UBE3C: variants seen among roughly 807,000 people sequenced by gnomAD.
The protein encoded by UBE3C is ubiquitin protein ligase E3C, also known as ubiquitin-protein ligase E3C.
UBE3C carries 42 observed loss-of-function variants against 129.4 expected under a neutral mutation model. That is an observed-to-expected ratio of 0.32 (90% CI 0.25 to 0.42). The LOEUF is 0.42. UBE3C is among the 10% of genes least tolerant of loss of function. The pLI is 1.00. For synonymous variants in UBE3C, 510 were observed against 492.4 expected, an observed-to-expected ratio of 1.04 and a Z score of -0.47; for missense variants, 1,049 against 1,319.1, an observed-to-expected ratio of 0.80 and a Z score of 3.17.
intron 6 of UBE3C, among the ~76,000 whole-genome samples, chr7:157,180,580 C>CGTT (rs1808641318): frequency 6.6e-6 from 1 of 151,974 alleles, no homozygotes; most frequent in Non-Finnish European, 1.5e-5. Flanking sequence ...AATGTGCTAC[C>CGTT]AAATACGCTT....
intron 17 of UBE3C, among the ~76,000 whole-genome samples, chr7:157,226,490 G>C (rs1182773624): frequency 2.0e-5 from 3 of 152,134 alleles, no homozygotes; most frequent in African/African-American, 7.2e-5. Context: ...GTTTAGGCTG[G>C]ATCTAAAATT....
Position 157,231,103 on chromosome 7 carries a change from C to T in UBE3C, c.2257C>T (p.Arg753Cys), listed in dbSNP as rs202006020. The T allele has an allele frequency of 6.2e-6, 10 of 1,613,986 alleles. No homozygotes were observed. The highest frequency in any genetic ancestry group is 2.2e-5 in the East Asian group (1 of 44,878). ...AGAGCCTGATTTGAAAAAGCGGATC[C>T]GTGTGCACTTGCTCAATGCCCATGG... ...ENEPDLKKRI[R>C]VHLLNAHGLD... The change falls in exon 18 of 23, where the codon CGT (arginine) becomes TGT (cysteine). Residue 753 changes from arginine (R) to cysteine (C), a missense_variant. Around this residue, in one of 4 missense-constraint regions of UBE3C, gnomAD observed 314 missense variants for 416.9 expected, o/e 0.75. Coordinates refer to ENST00000348165, the MANE Select transcript of UBE3C (RefSeq NM_014671.3).
chr7:157,146,970 G>C (rs1386444161), intron 1 of UBE3C, among the ~76,000 whole-genome samples: 1 of 152,168 alleles, frequency 6.6e-6, no homozygotes, highest in Non-Finnish European at 1.5e-5. Context: ...ATTGAAGTCT[G>C]GTAGTGTGAG....
intron 1 of UBE3C, among the ~76,000 whole-genome samples, chr7:157,139,729 T>C (rs1414187524): frequency 6.6e-6 from 1 of 152,260 alleles, no homozygotes; most frequent in Non-Finnish European, 1.5e-5. Flanking sequence ...CAAGGTGAAC[T>C]TACCCTTTCT....
intron 3 of UBE3C, 105 bp from the exon 4 acceptor site, chr7:157,170,199 T>A: frequency 4.6e-6 from 5 of 1,091,820 alleles, no homozygotes; most frequent in Non-Finnish European, 6.0e-6. Flanking sequence ...GTTTTCGTTG[T>A]CAATTTCCAC....
chr7:157,231,663 G>T (rs1796025699), intron 18 of UBE3C: 1 of 294,724 alleles, frequency 3.4e-6, no homozygotes, highest in Middle Eastern at 1.2e-3. Context: ...TTACAGGAGG[G>T]AGCCCCTAGC....
rs372209828 is a variant in UBE3C at position 157,184,079 on chromosome 7, C to T, written c.1143+50C>T. 1.5e-4 allele frequency: 232 copies of T among 1,590,294 alleles called. 1 individual carries two copies. The African/African-American group carries it at 1.8e-3, about 12-fold the overall frequency. On this transcript the variant is annotated intron_variant, in intron 9 of 22. Transcript: ENST00000348165. ...GGGGCTGCGATGCAGGCAGCCCCGT[C>T]GGATCTTCTAGCTTTCTGTCCACCC...
At chr7:157,197,511 T>TTG in intron 10 of UBE3C, 1 of 323,640 alleles carries the variant, frequency 3.1e-6, no homozygotes, top group Non-Finnish European at 4.0e-6. Context: ...AATAATTTGT[T>TTG]TTTTTTTTTT....
At chr7:157,172,063 C>T (rs1203540913) in intron 4 of UBE3C, among the ~76,000 whole-genome samples, 4 of 147,916 alleles carry the variant, frequency 2.7e-5, no homozygotes, top group Non-Finnish European at 4.5e-5. Flanking sequence ...GAGTCTTGCT[C>T]ACTCTGTCGC....
At chr7:157,201,698 G>A in intron 10 of UBE3C, 23 bp from the exon 11 acceptor site, 1 of 805,952 alleles carries the variant, frequency 1.2e-6, no homozygotes, top group South Asian at 1.9e-5. Context: ...ACTGTTCTGT[G>A]TTTTTCTCCT....
intron 17 of UBE3C, among the ~76,000 whole-genome samples, chr7:157,228,535 T>C (rs920464845): frequency 6.6e-6 from 1 of 152,234 alleles, no homozygotes; most frequent in African/African-American, 2.4e-5. Context: ...TTTTATTTTA[T>C]TTCATTTAAT....
chr7:157,261,385 G>A (rs1182450), intron 22 of UBE3C, among the ~76,000 whole-genome samples: 105,648 of 147,842 alleles, frequency 0.71, 37,972 homozygotes, highest in Non-Finnish European at 0.76. Flanking sequence ...TCAAGACCCC[G>A]CACAATCATA....
intron 2 of UBE3C, chr7:157,164,620 A>G (rs902215028): frequency 5.6e-6 from 2 of 357,710 alleles, no homozygotes; most frequent in African/African-American, 4.3e-5. Context: ...TTGTTGATTA[A>G]TCAGCAATTG....
chr7:157,229,672 G>T (rs1044269180), intron 17 of UBE3C, among the ~76,000 whole-genome samples: 1 of 152,016 alleles, frequency 6.6e-6, no homozygotes, highest in Admixed American at 6.6e-5. Context: ...CTTTCAGCCA[G>T]GCTGGAGTGC....
At position 157,142,258 on chromosome 7, in the gene UBE3C, TC is replaced by T. The variant is rs577918206; in HGVS notation, c.66+2923del. Among the ~76,000 whole-genome samples the T allele has an allele frequency of 2.2e-3, 334 of 152,342 alleles. 1 individual carries two copies. The highest frequency in any genetic ancestry group is 3.5e-3 in the Non-Finnish European group (239 of 68,034). ...TGTCTTAAATTATTATTTGAAATCT[TC>T]CCTTTCTGGAGCTTAGTGGAAAATG... On this transcript the variant is annotated intron_variant, in intron 1 of 22. Coordinates refer to ENST00000348165, the MANE Select transcript of UBE3C (RefSeq NM_014671.3).
In UBE3C at chr7:157,207,849, G is replaced by A; in HGVS notation, c.1723G>A (p.Ala575Thr). The A allele has an allele frequency of 1.9e-6, 3 of 1,613,878 alleles. No homozygotes were observed. Among genetic ancestry groups the A allele is most frequent in the Non-Finnish European group, 2.5e-6 (3 of 1,179,978 alleles). Residue 575 changes from alanine (A) to threonine (T), a missense_variant, in exon 13 of 23, where the codon GCA (alanine) becomes ACA (threonine). Coordinates refer to ENST00000348165, the MANE Select transcript of UBE3C (RefSeq NM_014671.3). ...KPEVREEYITAFQSIGVTTSS... is the reference protein window; with the variant it reads ...KPEVREEYITTFQSIGVTTSS... Reference sequence around the variant, plus strand: ...AGAAGTTCGAGAAGAATATATTACAGCATTTCAGAGTATTGGAGTTACTAC... The same window carrying A: ...AGAAGTTCGAGAAGAATATATTACAACATTTCAGAGTATTGGAGTTACTAC...
intron 16 of UBE3C, among the ~76,000 whole-genome samples, chr7:157,223,794 C>T (rs1795801354): frequency 6.6e-6 from 1 of 152,088 alleles, no homozygotes; most frequent in Non-Finnish European, 1.5e-5. Flanking sequence ...GTGGCATGTA[C>T]CTGTAGTCCC....
At chr7:157,180,808 A>G (rs1808647483) in intron 6 of UBE3C, among the ~76,000 whole-genome samples, 1 of 152,182 alleles carries the variant, frequency 6.6e-6, no homozygotes, top group Admixed American at 6.5e-5. Flanking sequence ...TAAACAGTTA[A>G]CTTCTTCAGT....
At chr7:157,176,783 C>T (rs972076716) in intron 5 of UBE3C, among the ~76,000 whole-genome samples, 1 of 152,140 alleles carries the variant, frequency 6.6e-6, no homozygotes, top group Non-Finnish European at 1.5e-5. Flanking sequence ...TGTGAGGTCA[C>T]AAAGCCTTAA....
Sources: allele counts gnomAD v4.1 joint callset (sites outside exome capture counted in the v4.1 genomes callset), GRCh38; gene constraint gnomAD v4.1.1; regional missense constraint gnomAD v4.1.1; transcripts MANE v1.5; gene names NCBI Gene and HGNC (gene_info 2026-07-23, HGNC 2026-07-21).